Variants in ELF1 observed in about 807,000 individuals in gnomAD.
ELF1 encodes the protein E74 like ETS transcription factor 1.
Under a neutral mutation model 59.9 loss-of-function variants are expected in ELF1, and 24 were observed. The observed-to-expected ratio is 0.40, with a 90% confidence interval of 0.29 to 0.56. The LOEUF is 0.56. Ranked by LOEUF, ELF1 falls within the 20% of genes least tolerant of loss-of-function variation. ELF1 has a pLI of 0.44. For missense variants in ELF1, 627 were observed against 742.2 expected (o/e 0.84, Z 1.80); for synonymous variants, 248 against 266.2 (o/e 0.93, Z 0.67).
At chr13:41,041,502 G>T (rs1430156728) in intron 1 of ELF1, among the ~76,000 whole-genome samples, 1 of 152,050 alleles carries the variant, frequency 6.6e-6, no homozygotes, top group African/African-American at 2.4e-5. Flanking sequence ...GAGAAACCTT[G>T]TCTCTACAAA....
chr13:41,001,866 C>A (rs9525440), intron 1 of ELF1, among the ~76,000 whole-genome samples: 1 of 152,014 alleles, frequency 6.6e-6, no homozygotes, highest in African/African-American at 2.4e-5. Context: ...CAAGACCTTG[C>A]TTCAAAGAAA....
chr13:41,025,313 A>C (rs895267836), intron 1 of ELF1, among the ~76,000 whole-genome samples: 1 of 152,088 alleles, frequency 6.6e-6, no homozygotes, highest in African/African-American at 2.4e-5. Context: ...TCCATCCATC[A>C]AGTCTCAATT....
chr13:40,955,409 C>CG (rs1338889358), intron 3 of ELF1, among the ~76,000 whole-genome samples: 7 of 139,106 alleles, frequency 5.0e-5, no homozygotes, highest in African/African-American at 1.6e-4. Flanking sequence ...GCTGCCCATC[C>CG]GGGAAGGAGG....
At chr13:41,017,441 C>T (rs1317756471) in intron 1 of ELF1, among the ~76,000 whole-genome samples, 1 of 152,158 alleles carries the variant, frequency 6.6e-6, no homozygotes, top group African/African-American at 2.4e-5. Flanking sequence ...TCACTTTCAG[C>T]ACTAAAGTTC....
intron 1 of ELF1, among the ~76,000 whole-genome samples, chr13:40,997,538 G>T (rs1435886946): frequency 6.6e-6 from 1 of 151,830 alleles, no homozygotes; most frequent in Admixed American, 6.6e-5. Flanking sequence ...TTACAGGTGT[G>T]AGCCACTGCA....
chr13:40,960,439 T>C (rs1871743876), intron 2 of ELF1, among the ~76,000 whole-genome samples: 1 of 152,222 alleles, frequency 6.6e-6, no homozygotes, highest in African/African-American at 2.4e-5. Context: ...TTTTGTAGAA[T>C]GTCTACCAAT....
intron 1 of ELF1, among the ~76,000 whole-genome samples, chr13:40,987,398 T>C (rs972803075): frequency 2.7e-5 from 4 of 149,360 alleles, no homozygotes; most frequent in Non-Finnish European, 3.0e-5. Flanking sequence ...CTGACCAACA[T>C]GGTGAAACCC....
intron 1 of ELF1, among the ~76,000 whole-genome samples, chr13:41,054,218 T>C (rs1237040142): frequency 1.3e-5 from 2 of 152,218 alleles, no homozygotes; most frequent in Admixed American, 6.5e-5. Flanking sequence ...AAACTACTGG[T>C]TCCATTTTAG....
chr13:40,946,220 C>G (rs1259485819), intron 5 of ELF1, among the ~76,000 whole-genome samples: 1 of 152,058 alleles, frequency 6.6e-6, no homozygotes, highest in Admixed American at 6.6e-5. Context: ...GGATATTAGC[C>G]TTTTATTTTT....
chr13:41,018,022 A>G (rs1875517717), intron 1 of ELF1, among the ~76,000 whole-genome samples: 1 of 152,184 alleles, frequency 6.6e-6, no homozygotes, highest in Admixed American at 6.5e-5. Context: ...AGAAATAATA[A>G]CTGATTGCCT....
intron 1 of ELF1, among the ~76,000 whole-genome samples, chr13:41,007,911 G>A (rs918174456): frequency 6.6e-6 from 1 of 152,086 alleles, no homozygotes; most frequent in African/African-American, 2.4e-5. Flanking sequence ...TTTCCACTGT[G>A]TTGACACTTG....
chr13:41,045,800 T>C (rs1163759807), intron 1 of ELF1, among the ~76,000 whole-genome samples: 2 of 152,208 alleles, frequency 1.3e-5, no homozygotes, highest in Non-Finnish European at 1.5e-5. Flanking sequence ...TTAGGTCCAC[T>C]TGGTGCAGAG....
chr13:41,061,342 G>A (rs1877616256), exon 1 of ELF1: 1 of 458,294 alleles, frequency 2.2e-6, no homozygotes, highest in Non-Finnish European at 4.0e-6. Flanking sequence ...AGGGACTTGA[G>A]GCTTGAGATC....
intron 1 of ELF1, among the ~76,000 whole-genome samples, chr13:41,040,419 C>T (rs1876558499): frequency 6.6e-6 from 1 of 152,108 alleles, no homozygotes; most frequent in African/African-American, 2.4e-5. Flanking sequence ...TATGCATGAT[C>T]TACATTTCAG....
At chr13:40,968,744 G>A (rs1210228193) in intron 2 of ELF1, among the ~76,000 whole-genome samples, 2 of 147,178 alleles carry the variant, frequency 1.4e-5, no homozygotes, top group Non-Finnish European at 3.0e-5. Context: ...TTTTTAGACA[G>A]GGTCTTGCTC....
chr13:41,001,499 A>C (rs1874443426), intron 1 of ELF1, among the ~76,000 whole-genome samples: 1 of 152,122 alleles, frequency 6.6e-6, no homozygotes, highest in South Asian at 2.1e-4. Flanking sequence ...ACAAAGCTGG[A>C]AGCACCACAC....
intron 1 of ELF1, among the ~76,000 whole-genome samples, chr13:41,046,962 T>G (rs1876874681): frequency 6.6e-6 from 1 of 152,224 alleles, no homozygotes; most frequent in Admixed American, 6.5e-5. Context: ...AGTCCCACAT[T>G]TCTTGGAGGC....
chr13:40,955,775 G>T (rs1248515050), intron 3 of ELF1, among the ~76,000 whole-genome samples: 1 of 74,994 alleles, frequency 1.3e-5, no homozygotes, highest in Admixed American at 1.1e-4. Flanking sequence ...AGGGAGGCGG[G>T]GGGGTCAGCC....
chr13:41,042,409 T>A (rs927456520), intron 1 of ELF1, among the ~76,000 whole-genome samples: 1 of 152,096 alleles, frequency 6.6e-6, no homozygotes, highest in African/African-American at 2.4e-5. Flanking sequence ...GCTGCATCCA[T>A]TAACTCGTCA....
Sources: gnomAD v4.1 joint callset for allele counts (sites outside exome capture counted in the v4.1 genomes callset) on GRCh38, gnomAD v4.1.1 for gene constraint, MANE v1.5 for transcripts, NCBI Gene and HGNC (gene_info 2026-07-23, HGNC 2026-07-21) for gene names.